CERS6: variants seen among roughly 807,000 people sequenced by gnomAD.
CERS6 encodes LAG1 homolog, ceramide synthase 6.
In CERS6, 26 loss-of-function variants were observed where a neutral mutation model predicts 56.8. The observed-to-expected ratio is 0.46, with a 90% CI of 0.34 to 0.63. CERS6 has a LOEUF of 0.63. CERS6 is among the 30% of genes least tolerant of loss of function. The pLI is 0.01. For missense variants in CERS6, 415 were observed against 467.5 expected (o/e 0.89, Z 1.04); for synonymous variants, 164 against 173.3 (o/e 0.95, Z 0.42).
In CERS6 at chr2:168,544,769, G is replaced by A. The variant is rs999956537; in HGVS notation, c.171-2827G>A. 2.7e-5 allele frequency among the ~76,000 whole-genome samples: 4 copies of A among 146,526 alleles called. No homozygotes were observed. In the East Asian group the frequency reaches 8.1e-4, roughly 30 times the overall value. On this transcript the variant is annotated intron_variant, in intron 1 of 9. Coordinates refer to ENST00000305747, the MANE Select transcript of CERS6 (RefSeq NM_203463.3). ...TTTTAACTGTGGCAAAATACCAGACGGGGGACACTTTTGTCAGTGCACGTG... is the reference window on the plus strand; with the variant it reads ...TTTTAACTGTGGCAAAATACCAGACAGGGGACACTTTTGTCAGTGCACGTG...
intron 2 of CERS6, among the ~76,000 whole-genome samples, chr2:168,560,631 G>A (rs948783428): frequency 5.3e-5 from 8 of 152,100 alleles, no homozygotes; most frequent in Non-Finnish European, 8.8e-5. Flanking sequence ...TGAAAAATGG[G>A]GACAAAGGAT....
At chr2:168,515,220 C>T (rs1694864149) in intron 1 of CERS6, among the ~76,000 whole-genome samples, 1 of 152,108 alleles carries the variant, frequency 6.6e-6, no homozygotes, top group African/African-American at 2.4e-5. Context: ...ACATATTCCA[C>T]AATTTAATCA....
intron 4 of CERS6, among the ~76,000 whole-genome samples, chr2:168,672,870 C>G (rs990294959): frequency 7.9e-5 from 12 of 152,196 alleles, no homozygotes; most frequent in Non-Finnish European, 5.9e-5. Context: ...AACAGCAAAA[C>G]AAGCTTGATT....
intron 3 of CERS6, among the ~76,000 whole-genome samples, chr2:168,595,616 A>G (rs1248519016): frequency 6.6e-6 from 1 of 152,220 alleles, no homozygotes; most frequent in East Asian, 1.9e-4. Context: ...TTTAAGGCTG[A>G]TGGTACTTAC....
intron 4 of CERS6, among the ~76,000 whole-genome samples, chr2:168,640,620 A>T (rs1684966095): frequency 6.6e-6 from 1 of 152,210 alleles, no homozygotes; most frequent in Non-Finnish European, 1.5e-5. Flanking sequence ...TTAAGCATCG[A>T]TGCACAAGAC....
At chr2:168,658,754 A>G (rs1685554393) in intron 4 of CERS6, among the ~76,000 whole-genome samples, 1 of 152,250 alleles carries the variant, frequency 6.6e-6, no homozygotes, top group Non-Finnish European at 1.5e-5. Flanking sequence ...AAAAAAGTCA[A>G]GTAATTCGCC....
chr2:168,460,694 C>A (rs1338814332), intron 1 of CERS6, among the ~76,000 whole-genome samples: 1 of 152,164 alleles, frequency 6.6e-6, no homozygotes, highest in African/African-American at 2.4e-5. Flanking sequence ...TTAGGTAGAA[C>A]CCAGAGTAGG....
chr2:168,735,042 A>T (rs1329974392), intron 8 of CERS6, among the ~76,000 whole-genome samples: 1 of 152,256 alleles, frequency 6.6e-6, no homozygotes. Context: ...AGTATCATCC[A>T]AGCACAGATT....
intron 1 of CERS6, among the ~76,000 whole-genome samples, chr2:168,533,921 A>C (rs1215514722): frequency 6.0e-5 from 9 of 150,634 alleles, no homozygotes; most frequent in African/African-American, 2.0e-4. Flanking sequence ...ATTCCTTTTC[A>C]TTCTTTATTC....
At chr2:168,537,153 A>G (rs932816787) in intron 1 of CERS6, among the ~76,000 whole-genome samples, 2 of 152,230 alleles carry the variant, frequency 1.3e-5, no homozygotes, top group Non-Finnish European at 2.9e-5. Flanking sequence ...TTTGTTTAAT[A>G]AAAACATGGT....
intron 1 of CERS6, among the ~76,000 whole-genome samples, chr2:168,464,407 C>T (rs917063152): frequency 1.3e-5 from 2 of 152,062 alleles, no homozygotes; most frequent in Non-Finnish European, 2.9e-5. Flanking sequence ...GTGACCTGCT[C>T]GCCTTGGCCT....
intron 1 of CERS6, among the ~76,000 whole-genome samples, chr2:168,528,813 C>T (rs1168092888): frequency 6.6e-6 from 1 of 152,174 alleles, no homozygotes; most frequent in East Asian, 1.9e-4. Flanking sequence ...TTCTCTGGAC[C>T]TCAGTTTCCT....
In CERS6 at chr2:168,630,975, C is replaced by T; in HGVS notation, c.408-10C>T. On this transcript the variant is annotated splice_polypyrimidine_tract_variant and intron_variant, in intron 3 of 9. Transcript: ENST00000305747. ...CTGAATGTCACAGATTTTTTTTTAA[C>T]CTTCTACAGGTGGAGATTTTCATTT... 1 of 1,423,302 alleles carries T rather than the reference C, an allele frequency of 7.0e-7. No individual in the cohort carries two copies. The highest frequency in any genetic ancestry group is 2.4e-5 in the East Asian group (1 of 41,052). 88.2% of individuals were successfully genotyped at this position (1,423,302 alleles called of 1,614,324 possible). A position where few individuals can be genotyped will look rare whatever the true frequency, so the allele number is the denominator to read the frequency against.
At chr2:168,656,101 C>G (rs1279322339) in intron 4 of CERS6, among the ~76,000 whole-genome samples, 1 of 152,158 alleles carries the variant, frequency 6.6e-6, no homozygotes, top group Non-Finnish European at 1.5e-5. Context: ...AAGCTTTCCT[C>G]CTAAATAGGT....
chr2:168,722,180 T>TTA (rs1416183837), intron 8 of CERS6, among the ~76,000 whole-genome samples: 1 of 152,220 alleles, frequency 6.6e-6, no homozygotes, highest in Non-Finnish European at 1.5e-5. Context: ...ATAATGTATA[T>TTA]TATATATAAA....
intron 4 of CERS6, among the ~76,000 whole-genome samples, chr2:168,668,045 T>A (rs1395629691): frequency 6.6e-6 from 1 of 152,162 alleles, no homozygotes; most frequent in East Asian, 1.9e-4. Context: ...TGTAAATCGA[T>A]TTGAGGTTGA....
intron 1 of CERS6, among the ~76,000 whole-genome samples, chr2:168,545,666 A>G (rs941313238): frequency 1.3e-5 from 2 of 152,240 alleles, no homozygotes; most frequent in Non-Finnish European, 2.9e-5. Context: ...GATAGCAACA[A>G]CAAAACATAT....
intron 3 of CERS6, among the ~76,000 whole-genome samples, chr2:168,596,352 G>A (rs535029990): frequency 2.8e-4 from 42 of 152,084 alleles, no homozygotes; most frequent in African/African-American, 9.9e-4. Context: ...GGGGGGAGGG[G>A]TTGTTGTCTT....
chr2:168,556,832 A>G (rs1332574797), intron 2 of CERS6, among the ~76,000 whole-genome samples: 1 of 152,072 alleles, frequency 6.6e-6, no homozygotes, highest in East Asian at 1.9e-4. Context: ...CCAATAGTTT[A>G]CATATATAAA....
Sources: allele counts gnomAD v4.1 joint callset (sites outside exome capture counted in the v4.1 genomes callset), GRCh38; gene constraint gnomAD v4.1.1; transcripts MANE v1.5; gene names NCBI Gene and HGNC (gene_info 2026-07-23, HGNC 2026-07-21).